ZMYM2: variants seen among roughly 807,000 people sequenced by gnomAD.
ZMYM2 encodes zinc finger MYM-type protein 2.
Under a neutral mutation model 162.8 loss-of-function variants are expected in ZMYM2, and 56 were observed. That is an observed-to-expected ratio of 0.34 (90% CI 0.28 to 0.43). The LOEUF is 0.43. Ranked by LOEUF, ZMYM2 falls within the 20% of genes least tolerant of loss-of-function variation. The pLI, the probability that ZMYM2 is intolerant of heterozygous loss-of-function variation, is 1.00. For missense variants in ZMYM2, 1,275 were observed against 1,621.8 expected, an observed-to-expected ratio of 0.79 and a Z score of 3.67; for synonymous variants, 510 against 541.6, an observed-to-expected ratio of 0.94 and a Z score of 0.81.
At chr13:20,021,771 T>G (rs965527609) in intron 7 of ZMYM2, among the ~76,000 whole-genome samples, 2 of 152,324 alleles carry the variant, frequency 1.3e-5, no homozygotes, top group African/African-American at 2.4e-5. Flanking sequence ...ACAGGTGCTT[T>G]CTTCTCATGA....
the ZMYM2 span, among the ~76,000 whole-genome samples, chr13:19,952,469 A>G: frequency 1.3e-5 from 2 of 152,194 alleles, no homozygotes; most frequent in African/African-American, 4.8e-5. Context: ...CAATGTATAT[A>G]TATTTCAAAA....
At chr13:20,061,006 C>T (rs915478028) in intron 16 of ZMYM2, 47 bp from the exon 17 acceptor site, 3 of 1,538,554 alleles carry the variant, frequency 1.9e-6, no homozygotes, top group Admixed American at 2.0e-5. Flanking sequence ...TGGAAAAATA[C>T]CTTTTAATGT....
chr13:20,082,853 C>T lies in ZMYM2; in HGVS notation c.3641C>T (p.Ala1214Val), dbSNP rs1318469144. The change falls in exon 23 of 25, where the codon GCT (alanine) becomes GTT (valine). Residue 1214 changes from alanine (A) to valine (V), a missense_variant. Physicochemically the swap from Ala to Val is moderately conservative, Grantham distance 64 (BLOSUM62 0). Around this residue, in one of 10 missense-constraint regions of ZMYM2, gnomAD observed 103 missense variants for 192.2 expected, o/e 0.54. Coordinates refer to ENST00000610343, the MANE Select transcript of ZMYM2 (RefSeq NM_197968.4). ...IKQLGSHSPV[A>V]LLNTLFYFNT... is the part of the protein sequence containing the mutation. ...CAACTAGGATCACACTCTCCAGTAG[C>T]TCTTCTGAATACACTGTTCTACTTT... The T allele has an allele frequency of 1.9e-6, 3 of 1,613,810 alleles. No individual in the cohort carries two copies. Among genetic ancestry groups the T allele is most frequent in the Non-Finnish European group, 2.5e-6 (3 of 1,179,794 alleles).
At position 19,993,174 on chromosome 13, in the gene ZMYM2, A is replaced by T. The variant is rs1949761272; in HGVS notation, c.102A>T (p.Ser34=). 6.2e-7 allele frequency: 1 copy of T among 1,613,848 alleles called. No individual in the cohort carries two copies. The highest frequency in any genetic ancestry group is 1.7e-5 in the Admixed American group (1 of 59,998). Residue 34 remains serine (S), a synonymous_variant, in exon 3 of 25, where the codon TCA becomes TCT. Transcript: ENST00000610343. ...CTAGTCTCACGAATGTAGGAAACTC[A>T]TTTAGTGGTCCAGCTAATCCTTTAG... ...MATSLTNVGN[S]FSGPANPLVS...
chr13:20,001,933 A>G (rs541350089), intron 3 of ZMYM2, among the ~76,000 whole-genome samples: 1 of 152,384 alleles, frequency 6.6e-6, no homozygotes, highest in Admixed American at 6.5e-5. Context: ...TAGTGTAAAC[A>G]TAACATTTTT....
chr13:19,895,487 G>A, the ZMYM2 span, among the ~76,000 whole-genome samples: 1,256 of 151,990 alleles, frequency 8.3e-3, 42 homozygotes, highest in African/African-American at 0.028. Flanking sequence ...GGGCCTTCCC[G>A]CTGTGGGGAC....
chr13:19,900,770 C>T, the ZMYM2 span, among the ~76,000 whole-genome samples: 1 of 152,032 alleles, frequency 6.6e-6, no homozygotes, highest in Non-Finnish European at 1.5e-5. Flanking sequence ...TTCAACAACA[C>T]ATTAAAAGGA....
Position 19,993,188 on chromosome 13 carries a change from C to G in ZMYM2, c.116C>G (p.Ala39Gly). 1.2e-6 allele frequency: 2 copies of G among 1,614,098 alleles called. No homozygotes were observed. The highest frequency in any genetic ancestry group is 1.3e-5 in the African/African-American group (1 of 75,022). The stretch of plus-strand genomic sequence containing the variant: ...GTAGGAAACTCATTTAGTGGTCCAG[C>G]TAATCCTTTAGTGTCTAGATCTAAT... Reference protein sequence around the residue: ...TNVGNSFSGPANPLVSRSNKF... With the variant: ...TNVGNSFSGPGNPLVSRSNKF... The change falls in exon 3 of 25, where the codon GCT becomes GGT. Residue 39 changes from alanine (A) to glycine (G), a missense_variant. This residue lies in a region of ZMYM2 where 295 missense variants were observed against 286.7 expected (regional missense o/e 1.03). Coordinates refer to ENST00000610343, the MANE Select transcript of ZMYM2 (RefSeq NM_197968.4).
intron 6 of ZMYM2, among the ~76,000 whole-genome samples, chr13:20,007,699 C>T (rs1401463674): frequency 6.7e-6 from 1 of 149,864 alleles, no homozygotes; most frequent in Admixed American, 6.7e-5. Flanking sequence ...TGGCTCACTG[C>T]AACTTCCACC....
At chr13:19,959,082 C>T (rs1954842369) in intron 1 of ZMYM2, among the ~76,000 whole-genome samples, 2 of 151,232 alleles carry the variant, frequency 1.3e-5, no homozygotes, top group Admixed American at 6.6e-5. Context: ...TCACAGGCGC[C>T]TTTGCGTGCG....
intron 6 of ZMYM2, among the ~76,000 whole-genome samples, chr13:20,010,788 G>T (rs376354428): frequency 9.4e-4 from 143 of 151,564 alleles, no homozygotes; most frequent in African/African-American, 3.0e-3. Context: ...GTACAGGTGC[G>T]TGCCACCACA....
At chr13:19,916,016 C>A in the ZMYM2 span, among the ~76,000 whole-genome samples, 125 of 152,026 alleles carry the variant, frequency 8.2e-4, 1 homozygote, top group African/African-American at 2.8e-3. Context: ...CCCGCCACCA[C>A]ACCCGGCTAA....
At chr13:19,899,732 A>G in the ZMYM2 span, among the ~76,000 whole-genome samples, 1 of 149,426 alleles carries the variant, frequency 6.7e-6, no homozygotes, top group South Asian at 2.1e-4. Context: ...CAGGAGAATC[A>G]CTTGAACCCG....
intron 3 of ZMYM2, among the ~76,000 whole-genome samples, chr13:20,001,924 A>G (rs772584577): frequency 6.6e-6 from 1 of 152,262 alleles, no homozygotes; most frequent in Non-Finnish European, 1.5e-5. Context: ...ACTACATTAT[A>G]GTGTAAACAT....
the ZMYM2 span, among the ~76,000 whole-genome samples, chr13:19,950,203 T>A: frequency 3.3e-5 from 5 of 152,116 alleles, no homozygotes; most frequent in South Asian, 6.2e-4. Flanking sequence ...AAATAAATAA[T>A]TTTTAAAAAT....
upstream of ZMYM2, among the ~76,000 whole-genome samples, chr13:19,956,577 T>C (rs760013984): frequency 4.6e-5 from 7 of 152,212 alleles, no homozygotes; most frequent in Non-Finnish European, 7.3e-5. Flanking sequence ...CAATGAACAG[T>C]TGCATGGACA....
At chr13:20,061,999 T>C (rs1163913232) in intron 17 of ZMYM2, among the ~76,000 whole-genome samples, 1 of 152,230 alleles carries the variant, frequency 6.6e-6, no homozygotes, top group East Asian at 1.9e-4. Flanking sequence ...GATGAGTGTG[T>C]TGTGGATGGT....
the ZMYM2 span, among the ~76,000 whole-genome samples, chr13:19,901,893 G>A: frequency 6.6e-6 from 1 of 152,112 alleles, no homozygotes; most frequent in African/African-American, 2.4e-5. Context: ...CCTAGCTCAA[G>A]TGATCCTCCC....
Position 19,993,126 on chromosome 13 carries a change from A to G in ZMYM2, c.54A>G (p.Leu18=). 1.2e-6 allele frequency: 2 copies of G among 1,614,008 alleles called. No homozygotes were observed. Among genetic ancestry groups the G allele is most frequent in the Non-Finnish European group, 1.7e-6 (2 of 1,179,966 alleles). ...AATTGACTGATCAGACTCCTGTTTTATTAGGGAGTACGGCCATGGCAACTA... is the reference window on the plus strand; with the variant it reads ...AATTGACTGATCAGACTCCTGTTTTGTTAGGGAGTACGGCCATGGCAACTA... The part of the protein sequence containing the change: ...GLELTDQTPV[L]LGSTAMATSL... Residue 18 remains leucine, a synonymous_variant, in exon 3 of 25, where the codon TTA becomes TTG. Transcript: ENST00000610343.
Sources: allele counts gnomAD v4.1 joint callset (sites outside exome capture counted in the v4.1 genomes callset), GRCh38; gene constraint gnomAD v4.1.1; regional missense constraint gnomAD v4.1.1; transcripts MANE v1.5; gene names NCBI Gene and HGNC (gene_info 2026-07-23, HGNC 2026-07-21).